SGCZ: variants seen among roughly 807,000 people sequenced by gnomAD.
SGCZ encodes the protein sarcoglycan zeta.
A neutral mutation model predicts 41.3 loss-of-function variants in SGCZ; 40 were observed. The ratio of observed to expected loss-of-function variants is 0.97; its 90% CI spans 0.75 to 1.26. SGCZ has a LOEUF of 1.26. SGCZ is among the 50% of genes most tolerant of loss of function. The pLI is 0.00. For synonymous variants in SGCZ, 206 were observed against 137.5 expected (o/e 1.50, Z -3.49); for missense variants, 552 against 369.8 (o/e 1.49, Z -4.04).
chr8:14,231,255 G>T (rs66554163), intron 4 of SGCZ, among the ~76,000 whole-genome samples: 3 of 148,358 alleles, frequency 2.0e-5, no homozygotes, highest in Non-Finnish European at 4.5e-5. Flanking sequence ...GAGAGACACA[G>T]AGAGAGAGAG....
intron 4 of SGCZ, among the ~76,000 whole-genome samples, chr8:14,210,159 G>A (rs567879314): frequency 1.1e-4 from 17 of 152,150 alleles, no homozygotes; most frequent in Non-Finnish European, 1.6e-4. Flanking sequence ...CCAGGCTCAA[G>A]CAATTCTCCT....
At chr8:14,427,300 G>A (rs937712465) in intron 2 of SGCZ, among the ~76,000 whole-genome samples, 14 of 151,958 alleles carry the variant, frequency 9.2e-5, no homozygotes, top group Admixed American at 9.2e-4. Context: ...GTTTACCTGT[G>A]TGGCAAACCT....
At chr8:14,599,069 C>A (rs1232464024) in intron 1 of SGCZ, among the ~76,000 whole-genome samples, 1 of 152,102 alleles carries the variant, frequency 6.6e-6, no homozygotes, top group African/African-American at 2.4e-5. Context: ...TCTTCCCTAC[C>A]TTATTCATTC....
In SGCZ at chr8:14,721,369, A is replaced by G. The variant is rs142189716; in HGVS notation, c.40-166443T>C. ...ATGTCTAATAAAGAGCTCAATCTAG[A>G]TATCCAAAAGAGAATACCTGATTCG... On this transcript the variant is annotated intron_variant, in intron 1 of 7. Transcript: ENST00000382080. Among the ~76,000 whole-genome samples the G allele has an allele frequency of 4.8e-3, 736 of 152,276 alleles. 7 individuals carry two copies. The highest frequency in any genetic ancestry group is 0.016 in the African/African-American group (665 of 41,568).
At chr8:15,130,085 G>C (rs931971356) in intron 1 of SGCZ, among the ~76,000 whole-genome samples, 1 of 152,054 alleles carries the variant, frequency 6.6e-6, no homozygotes, top group South Asian at 2.1e-4. Context: ...GTCGATTTTG[G>C]TGTTATCTGT....
intron 5 of SGCZ, among the ~76,000 whole-genome samples, chr8:14,117,078 G>A (rs780810789): frequency 1.3e-5 from 2 of 151,964 alleles, no homozygotes; most frequent in African/African-American, 2.4e-5. Context: ...TTTAAAGATG[G>A]CATGTATCTT....
At chr8:14,987,221 T>C (rs1333036235) in intron 1 of SGCZ, among the ~76,000 whole-genome samples, 2 of 151,918 alleles carry the variant, frequency 1.3e-5, no homozygotes, top group African/African-American at 4.8e-5. Flanking sequence ...AAGTACATTA[T>C]AGATAAGAAT....
intron 1 of SGCZ, among the ~76,000 whole-genome samples, chr8:14,965,031 C>T (rs902358660): frequency 6.6e-6 from 1 of 152,014 alleles, no homozygotes; most frequent in Non-Finnish European, 1.5e-5. Flanking sequence ...CATTTGTGTC[C>T]CCCATTCCCG....
chr8:14,410,572 A>G (rs1228940533), intron 2 of SGCZ, among the ~76,000 whole-genome samples: 1 of 151,508 alleles, frequency 6.6e-6, no homozygotes, highest in Non-Finnish European at 1.5e-5. Context: ...CTACACATGG[A>G]CACAGGGAGG....
At chr8:14,308,313 T>C (rs1033373676) in intron 3 of SGCZ, among the ~76,000 whole-genome samples, 2 of 152,126 alleles carry the variant, frequency 1.3e-5, no homozygotes, top group Non-Finnish European at 2.9e-5. Context: ...CTTATTGTTA[T>C]GATGACAATA....
intron 7 of SGCZ, among the ~76,000 whole-genome samples, chr8:14,093,547 T>G (rs1801752457): frequency 6.6e-6 from 1 of 152,074 alleles, no homozygotes; most frequent in Admixed American, 6.6e-5. Context: ...TACTATTTCC[T>G]CAAACCGAAA....
At chr8:14,888,487 A>G (rs1804893578) in intron 1 of SGCZ, among the ~76,000 whole-genome samples, 1 of 152,190 alleles carries the variant, frequency 6.6e-6, no homozygotes, top group Admixed American at 6.5e-5. Context: ...ATATAGAAAG[A>G]AAGTATACAT....
intron 1 of SGCZ, among the ~76,000 whole-genome samples, chr8:14,988,066 G>T (rs1255965709): frequency 6.6e-6 from 1 of 151,838 alleles, no homozygotes; most frequent in African/African-American, 2.4e-5. Flanking sequence ...AACCAGATAG[G>T]CCCTGGAATG....
chr8:14,465,931 T>A (rs1801036315), intron 2 of SGCZ, among the ~76,000 whole-genome samples: 1 of 151,160 alleles, frequency 6.6e-6, no homozygotes, highest in African/African-American at 2.5e-5. Flanking sequence ...AACACCAGCT[T>A]TAGACTAATA....
At chr8:14,366,786 G>A (rs1218329710) in intron 2 of SGCZ, among the ~76,000 whole-genome samples, 3 of 152,088 alleles carry the variant, frequency 2.0e-5, no homozygotes, top group Non-Finnish European at 4.4e-5. Context: ...TTATCAGCCT[G>A]TAATATCAAA....
intron 4 of SGCZ, among the ~76,000 whole-genome samples, chr8:14,203,985 G>A (rs1245766545): frequency 1.3e-5 from 2 of 152,028 alleles, no homozygotes; most frequent in East Asian, 1.9e-4. Context: ...GGGGGAAAGA[G>A]CGCTCCAAGA....
At chr8:14,727,371 A>T (rs1810089632) in intron 1 of SGCZ, among the ~76,000 whole-genome samples, 1 of 152,174 alleles carries the variant, frequency 6.6e-6, no homozygotes, top group South Asian at 2.1e-4. Flanking sequence ...AATACTATTC[A>T]TTGCTGCTGG....
intron 1 of SGCZ, among the ~76,000 whole-genome samples, chr8:14,683,600 T>C (rs1808515123): frequency 6.6e-6 from 1 of 152,148 alleles, no homozygotes; most frequent in Non-Finnish European, 1.5e-5. Context: ...ATCAAGATTC[T>C]TATTTTCCCA....
At chr8:14,988,271 C>T (rs1376874897) in intron 1 of SGCZ, among the ~76,000 whole-genome samples, 1 of 147,920 alleles carries the variant, frequency 6.8e-6, no homozygotes, top group African/African-American at 2.5e-5. Context: ...TCTAAAAAAA[C>T]TCTGAAAACA....
Sources: allele counts gnomAD v4.1 joint callset (sites outside exome capture counted in the v4.1 genomes callset), GRCh38; gene constraint gnomAD v4.1.1; transcripts MANE v1.5; gene names NCBI Gene and HGNC (gene_info 2026-07-23, HGNC 2026-07-21).